The following SLC12A2 variants were observed in gnomAD, a reference collection of about 807,000 sequenced individuals.
SLC12A2 encodes the protein Na-K-2Cl cotransporter 1.
SLC12A2 carries 67 observed loss-of-function variants against 136.3 expected under a neutral mutation model. The observed-to-expected ratio is 0.49, with a 90% CI of 0.40 to 0.60. The LOEUF (loss-of-function observed/expected upper bound fraction) is 0.60, where lower values mean the gene tolerates loss of function less well. SLC12A2 is among the 20% of genes least tolerant of loss of function. The probability of loss-of-function intolerance (pLI) is 0.00; values close to 1 mark genes in which losing one functional copy is unlikely to be tolerated. For synonymous variants in SLC12A2, 619 were observed against 562.9 expected (o/e 1.10, Z -1.41); for missense variants, 1,322 against 1,534.7 (o/e 0.86, Z 2.32).
intron 18 of SLC12A2, chr5:128,170,292 TTAATTA>T (rs1763332361): frequency 2.0e-5 from 3 of 152,188 alleles, no homozygotes; most frequent in Admixed American, 6.5e-5. Context: ...TTCTCTAGTA[TTAATTA>T]TATCTTTCAA....
At chr5:128,125,452 A>T (rs1338179201) in intron 4 of SLC12A2, among the ~76,000 whole-genome samples, 1 of 152,154 alleles carries the variant, frequency 6.6e-6, no homozygotes, top group East Asian at 1.9e-4. Flanking sequence ...CCACTTGTAC[A>T]ATCTTCTTTT....
chr5:128,106,120 A>T (rs1760925809), intron 1 of SLC12A2, among the ~76,000 whole-genome samples: 1 of 152,160 alleles, frequency 6.6e-6, no homozygotes, highest in South Asian at 2.1e-4. Context: ...ACTTTTTGAA[A>T]GATTATTTTC....
At chr5:128,145,451 C>T (rs936028218) in intron 10 of SLC12A2, among the ~76,000 whole-genome samples, 2 of 152,000 alleles carry the variant, frequency 1.3e-5, no homozygotes, top group African/African-American at 2.4e-5. Context: ...CAATCTCCTT[C>T]CCTAAAGATA....
chr5:128,149,899 G>A (rs1762644012), intron 12 of SLC12A2, 98 bp from the exon 13 acceptor site: 10 of 796,062 alleles, frequency 1.3e-5, no homozygotes, highest in South Asian at 1.0e-4. Context: ...GGTGGTTATG[G>A]GGTGTTACGT....
chr5:128,157,671 A>G (rs1403092839), intron 15 of SLC12A2, among the ~76,000 whole-genome samples: 2 of 152,204 alleles, frequency 1.3e-5, no homozygotes, highest in Non-Finnish European at 2.9e-5. Flanking sequence ...ATATTTGAAG[A>G]CAAAGCAGTG....
chr5:128,141,930 T>C lies in SLC12A2; in HGVS notation c.1722T>C (p.Phe574=). ...TSAACKLNFD[F]SSCESSPCSY... The stretch of plus-strand genomic sequence containing the variant: ...CAGCCTGCAAATTAAACTTTGATTT[T>C]TCATCTTGTGAAAGCAGTCCTTGTT... The change falls in exon 10 of 27, where the codon TTT becomes TTC. Residue 574 remains phenylalanine (F), a synonymous_variant. Transcript: ENST00000262461. 2 of 1,614,060 alleles carry C rather than the reference T, an allele frequency of 1.2e-6. No homozygotes were observed. Among genetic ancestry groups the C allele is most frequent in the South Asian group, 1.1e-5 (1 of 91,078 alleles).
intron 13 of SLC12A2, 56 bp downstream of exon 13, chr5:128,150,154 T>C (rs1762654060): frequency 8.7e-7 from 1 of 1,151,072 alleles, no homozygotes; most frequent in Non-Finnish European, 1.3e-6. Context: ...GCAAAGAAAA[T>C]AAAACTTTTG....
intron 11 of SLC12A2, among the ~76,000 whole-genome samples, chr5:128,148,204 G>T (rs1241142869): frequency 6.6e-6 from 1 of 151,668 alleles, no homozygotes; most frequent in Admixed American, 6.6e-5. Flanking sequence ...TCCTTTTAGT[G>T]AACATTAAAC....
chr5:128,175,164 T>C (rs777467631), intron 20 of SLC12A2, among the ~76,000 whole-genome samples: 14 of 152,046 alleles, frequency 9.2e-5, no homozygotes, highest in Non-Finnish European at 1.6e-4. Flanking sequence ...AAGAAAATAA[T>C]CTGCGCTGTG....
At chr5:128,142,550 G>A (rs1762405996) in intron 10 of SLC12A2, among the ~76,000 whole-genome samples, 1 of 152,106 alleles carries the variant, frequency 6.6e-6, no homozygotes, top group South Asian at 2.1e-4. Context: ...ATATATTAGT[G>A]TGTGTGTTTT....
intron 2 of SLC12A2, among the ~76,000 whole-genome samples, chr5:128,113,873 A>T (rs1292573086): frequency 6.6e-6 from 1 of 152,198 alleles, no homozygotes; most frequent in Non-Finnish European, 1.5e-5. Flanking sequence ...TGACTGATAA[A>T]AGGGAATATG....
In SLC12A2 at chr5:128,105,773, T is replaced by C. The variant is rs557722020; in HGVS notation, c.757-7041T>C. Among the ~76,000 whole-genome samples the C allele has an allele frequency of 2.6e-5, 4 of 152,342 alleles. No homozygotes were observed. The South Asian group carries it at 6.2e-4, about 24-fold the overall frequency. On this transcript the variant is annotated intron_variant, in intron 1 of 26. Coordinates refer to ENST00000262461, the MANE Select transcript of SLC12A2 (RefSeq NM_001046.3). ...GATGATGGAGACCAGAGTTTCCATCTTTTTTGTCTATTTTCTACATACTCA... is the reference window on the plus strand; with the variant it reads ...GATGATGGAGACCAGAGTTTCCATCCTTTTTGTCTATTTTCTACATACTCA...
At chr5:128,178,727 A>T in intron 22 of SLC12A2, 38 bp downstream of exon 22, 1 of 1,476,040 alleles carries the variant, frequency 6.8e-7, no homozygotes, top group Non-Finnish European at 9.1e-7. Context: ...TTTTAAATTT[A>T]CTGACATTGT....
At chr5:128,163,940 T>C (rs1309102632) in intron 17 of SLC12A2, among the ~76,000 whole-genome samples, 1 of 152,200 alleles carries the variant, frequency 6.6e-6, no homozygotes, top group Non-Finnish European at 1.5e-5. Context: ...TGAAATATTT[T>C]AGGTAGAATG....
At chr5:128,124,739 T>C (rs1242810291) in intron 4 of SLC12A2, among the ~76,000 whole-genome samples, 2 of 152,094 alleles carry the variant, frequency 1.3e-5, no homozygotes, top group Non-Finnish European at 2.9e-5. Flanking sequence ...TTAGCTCAAT[T>C]TCTAGTGCCT....
chr5:128,183,874 CAGTG>C (rs1464998685), intron 24 of SLC12A2, among the ~76,000 whole-genome samples: 2 of 151,898 alleles, frequency 1.3e-5, no homozygotes, highest in Non-Finnish European at 2.9e-5. Flanking sequence ...GGGTAGATAA[CAGTG>C]AGATCAGCTT....
At chr5:128,126,821 GTTCTAT>G (rs975448578) in intron 4 of SLC12A2, among the ~76,000 whole-genome samples, 2 of 150,884 alleles carry the variant, frequency 1.3e-5, no homozygotes, top group Non-Finnish European at 3.0e-5. Flanking sequence ...GTCAGATTTA[GTTCTAT>G]TTCTGAGTTG....
chr5:128,162,723 C>T (rs1280814629), intron 17 of SLC12A2, among the ~76,000 whole-genome samples: 1 of 151,960 alleles, frequency 6.6e-6, no homozygotes, highest in African/African-American at 2.4e-5. Flanking sequence ...AAGATATGAA[C>T]AGAGAGGAAA....
chr5:128,139,935 C>A (rs897522227), intron 9 of SLC12A2, among the ~76,000 whole-genome samples: 2 of 152,184 alleles, frequency 1.3e-5, no homozygotes, highest in African/African-American at 4.8e-5. Context: ...AATTTCACTA[C>A]ATGACAGAAA....
Sources: allele counts gnomAD v4.1 joint callset (sites outside exome capture counted in the v4.1 genomes callset), GRCh38; gene constraint gnomAD v4.1.1; transcripts MANE v1.5; gene names NCBI Gene and HGNC (gene_info 2026-07-23, HGNC 2026-07-21).